Variants in PPP1R12C observed in about 807,000 individuals in gnomAD.
PPP1R12C encodes the protein protein phosphatase 1 regulatory subunit 12C.
PPP1R12C carries 48 observed loss-of-function variants against 95.6 expected under a neutral mutation model. The observed-to-expected ratio is 0.50, with a 90% CI of 0.40 to 0.64. PPP1R12C has a LOEUF of 0.64. Among genes scored for constraint, PPP1R12C ranks in the 30% least tolerant of loss-of-function variants. PPP1R12C has a pLI of 0.00. For missense variants in PPP1R12C, 1,057 were observed against 1,083.3 expected, an observed-to-expected ratio of 0.98 and a Z score of 0.34; for synonymous variants, 480 against 460.8, an observed-to-expected ratio of 1.04 and a Z score of -0.53.
rs1293460806 is a variant in PPP1R12C, at chr19:55,099,055, C to A, written c.772G>T (p.Gly258Trp). Residue 258 changes from glycine (G) to tryptophan (W), a missense_variant, in exon 5 of 22, where the codon GGG (glycine) becomes TGG (tryptophan). By Grantham distance (184) the Gly-to-Trp change is radical. This residue lies in a region of PPP1R12C where 282 missense variants were observed against 380.4 expected (regional missense o/e 0.74). Transcript: ENST00000263433. ...GCGTGCAGGGGAGTCCAGCCGTCCC[C>A]GTCCCGGAGCTCTGGGTCGTAGCCA... ...QAGYDPELRDGDGWTPLHAAA... is the reference protein window; with the variant it reads ...QAGYDPELRDWDGWTPLHAAA... The A allele has an allele frequency of 6.4e-7, 1 of 1,552,706 alleles. No homozygotes were observed. The highest frequency in any genetic ancestry group is 2.4e-5 in the East Asian group (1 of 41,494).
intron 1 of PPP1R12C, chr19:55,114,517 A>C (rs532756100): frequency 6.6e-6 from 1 of 152,604 alleles, no homozygotes; most frequent in East Asian, 1.9e-4. Context: ...GCCGGGAATC[A>C]AGAGTCACCC....
At position 55,117,429 on chromosome 19, in the gene PPP1R12C, G is replaced by C. The variant is rs930653942; in HGVS notation, c.115C>G (p.Pro39Ala). Residue 39 changes from proline to alanine, a missense_variant, in exon 1 of 22, where the codon CCC (proline) becomes GCC (alanine). Physicochemically the swap from Pro to Ala is conservative, Grantham distance 27 (BLOSUM62 -1). Around this residue, in one of 5 missense-constraint regions of PPP1R12C, gnomAD observed 70 missense variants for 47.8 expected, o/e 1.46. Coordinates refer to ENST00000263433, the MANE Select transcript of PPP1R12C (RefSeq NM_017607.4). ...WGARAGAEPG[P>A]GERRARTVRF... ...ACGGTGCGGGCGCGGCGCTCTCCGG[G>C]GCCAGGCTCGGCGCCCGCCCGCGCC... The C allele has an allele frequency of 1.0e-3, 1,037 of 1,000,682 alleles. No homozygotes were observed. The highest frequency in any genetic ancestry group is 2.1e-3 in the Admixed American group (34 of 16,474). The allele number at this position is 1,000,682 out of a possible 1,614,324, so 62.0% of individuals were successfully genotyped here.
At chr19:55,105,419 G>A (rs2085027622) in intron 3 of PPP1R12C, among the ~76,000 whole-genome samples, 2 of 152,206 alleles carry the variant, frequency 1.3e-5, no homozygotes, top group Admixed American at 6.5e-5. Flanking sequence ...TGTAGACAGA[G>A]CCCTTGCCCA....
rs771708445 is a variant in PPP1R12C, at chr19:55,112,674, T to A, written c.443A>T (p.Asp148Val). ...CCCTCCCTTGCCTCACCTGGCGATA[T>A]CTAGGTAGCCACAGGAGGCGGCCAC... Reference protein sequence around the residue: ...LHVAASCGYLDIARYLLSHGA... With the variant: ...LHVAASCGYLVIARYLLSHGA... Residue 148 changes from aspartate to valine, a missense_variant, in exon 2 of 22, where the codon GAT becomes GTT. Transcript: ENST00000263433. 39 of 1,613,594 alleles carry A rather than the reference T, an allele frequency of 2.4e-5. No individual in the cohort carries two copies. Among genetic ancestry groups the A allele is most frequent in the Non-Finnish European group, 3.3e-5 (39 of 1,179,924 alleles).
rs775914924 is a variant in PPP1R12C at position 55,092,778 on chromosome 19, C to G, written c.1911+5G>C. The G allele has an allele frequency of 1.0e-5, 16 of 1,552,724 alleles. No homozygotes were observed. The Admixed American group carries it at 2.9e-4, about 28-fold the overall frequency. On this transcript the variant is annotated splice_donor_5th_base_variant and intron_variant, in intron 16 of 21. Coordinates refer to ENST00000263433, the MANE Select transcript of PPP1R12C (RefSeq NM_017607.4). Reference sequence around the variant, plus strand: ...CACCAGCTCGGCCCCACCTGAGCCCCTCACCTCCGCAGGCCCCCTCCACTC... The same window carrying G: ...CACCAGCTCGGCCCCACCTGAGCCCGTCACCTCCGCAGGCCCCCTCCACTC...
At chr19:55,099,533 C>T (rs1458254433) in intron 4 of PPP1R12C, among the ~76,000 whole-genome samples, 2 of 152,220 alleles carry the variant, frequency 1.3e-5, no homozygotes, top group African/African-American at 2.4e-5. Context: ...AAAGCAGTGA[C>T]TCCCAACCAG....
intron 3 of PPP1R12C, among the ~76,000 whole-genome samples, chr19:55,106,921 GC>G (rs1388789606): frequency 6.6e-6 from 1 of 152,204 alleles, no homozygotes; most frequent in Non-Finnish European, 1.5e-5. Context: ...GGCAAGAGGT[GC>G]TGTGTTTTGG....
Position 55,096,097 on chromosome 19 carries a change from C to A in PPP1R12C, c.1107G>T (p.Gly369=). Residue 369 remains glycine (G), a synonymous_variant, in exon 8 of 22, where the codon GGG becomes GGT. Coordinates refer to ENST00000263433, the MANE Select transcript of PPP1R12C (RefSeq NM_017607.4). ...LSKERRPGGA[G]GPPIQDEDEG... ...CATCCTCGTCCTGGATGGGGGGCCC[C>A]CCAGCCCCACCAGGCCGGCGCTCCT... 6.2e-7 allele frequency: 1 copy of A among 1,601,016 alleles called. No individual in the cohort carries two copies. Among genetic ancestry groups the A allele is most frequent in the Non-Finnish European group, 8.5e-7 (1 of 1,175,118 alleles).
intron 4 of PPP1R12C, among the ~76,000 whole-genome samples, chr19:55,101,882 G>T (rs1023723272): frequency 6.6e-5 from 10 of 152,070 alleles, no homozygotes; most frequent in African/African-American, 2.4e-4. Context: ...AAGGGACAGC[G>T]GCCTGGAGCT....
intron 4 of PPP1R12C, among the ~76,000 whole-genome samples, chr19:55,101,920 C>T (rs1412216323): frequency 6.6e-6 from 1 of 152,020 alleles, no homozygotes; most frequent in Non-Finnish European, 1.5e-5. Context: ...GAAGGGACAG[C>T]GGCCTGGAGC....
chr19:55,091,923 A>C lies in PPP1R12C; in HGVS notation c.2161-14T>G. 6.2e-7 allele frequency: 1 copy of C among 1,612,968 alleles called. No individual in the cohort carries two copies. The highest frequency in any genetic ancestry group is 8.5e-7 in the Non-Finnish European group (1 of 1,179,896). On this transcript the variant is annotated splice_polypyrimidine_tract_variant and intron_variant, in intron 19 of 21. Coordinates refer to ENST00000263433, the MANE Select transcript of PPP1R12C (RefSeq NM_017607.4). Reference sequence around the variant, plus strand: ...GCGTTCTTGCCTCTGGTGAGGACACAGAAAGCACAGGGGTCAGCAGAAGAA... The same window carrying C: ...GCGTTCTTGCCTCTGGTGAGGACACCGAAAGCACAGGGGTCAGCAGAAGAA...
At chr19:55,091,596 G>T (rs756449579) in intron 21 of PPP1R12C, 38 bp from the exon 22 acceptor site, 2 of 1,610,170 alleles carry the variant, frequency 1.2e-6, no homozygotes, top group South Asian at 2.2e-5. Flanking sequence ...AGCCCTGGCG[G>T]GTTGCACCCC....
intron 3 of PPP1R12C, among the ~76,000 whole-genome samples, chr19:55,106,249 A>G (rs2085037280): frequency 6.6e-6 from 1 of 152,198 alleles, no homozygotes; most frequent in Admixed American, 6.5e-5. Flanking sequence ...TGATTGATCC[A>G]TCCTCTTTGG....
chr19:55,093,073 G>T lies in PPP1R12C; in HGVS notation c.1768C>A (p.Pro590Thr), dbSNP rs113908581. 1 of 1,606,254 alleles carries T rather than the reference G, an allele frequency of 6.2e-7. No individual in the cohort carries two copies. Among genetic ancestry groups the T allele is most frequent in the South Asian group, 1.1e-5 (1 of 90,422 alleles). Residue 590 changes from proline to threonine, a missense_variant, in exon 15 of 22, where the codon CCT (proline) becomes ACT (threonine). By Grantham distance (38) the Pro-to-Thr change is conservative. This residue lies in a region of PPP1R12C where 347 missense variants were observed against 307.9 expected (regional missense o/e 1.13). Transcript: ENST00000263433. Reference protein sequence around the residue: ...ESEKPAQSLDPSRRPRVPGVE... With the variant: ...ESEKPAQSLDTSRRPRVPGVE... ...CCAGGGACGCGGGGCCTTCGGGAAG[G>T]GTCCTGTCGGGAGGGGGAGGCGAGT...
In PPP1R12C at chr19:55,096,289, T is replaced by G. The variant is rs2147184712; in HGVS notation, c.998A>C (p.Gln333Pro). Residue 333 changes from glutamine to proline, a missense_variant, in exon 7 of 22, where the codon CAA (glutamine) becomes CCA (proline). By Grantham distance (76) the Gln-to-Pro change is moderately conservative. Transcript: ENST00000263433. ...EASQSRGQEPQAPSSSKHRRS... is the reference protein window; with the variant it reads ...EASQSRGQEPPAPSSSKHRRS... ...TCTGTGTTTGCTGCTAGAGGGCGCT[T>G]GGGGCTCCTGGCCCCGGCTCTGGGA... The G allele has an allele frequency of 6.2e-7, 1 of 1,613,798 alleles. No individual in the cohort carries two copies. The highest frequency in any genetic ancestry group is 2.2e-5 in the East Asian group (1 of 44,856).
intron 3 of PPP1R12C, 109 bp from the exon 4 acceptor site, chr19:55,103,677 T>TC: frequency 1.0e-6 from 1 of 1,000,726 alleles, no homozygotes; most frequent in Non-Finnish European, 1.4e-6. Context: ...CCAGAGCTCT[T>TC]CCCCCTGCTC....
chr19:55,102,538 T>C (rs2084990116), intron 4 of PPP1R12C, among the ~76,000 whole-genome samples: 1 of 152,178 alleles, frequency 6.6e-6, no homozygotes, highest in Non-Finnish European at 1.5e-5. Flanking sequence ...AAACTATATA[T>C]GCACCAAATA....
chr19:55,111,857 C>A (rs994887012), intron 3 of PPP1R12C: 1 of 152,224 alleles, frequency 6.6e-6, no homozygotes, highest in Non-Finnish European at 1.5e-5. Flanking sequence ...CTGGAGTCAC[C>A]AGTCACAGGC....
chr19:55,091,408 G>A lies in PPP1R12C; in HGVS notation c.*64C>T, dbSNP rs1296412789. 5 of 1,478,678 alleles carry A rather than the reference G, an allele frequency of 3.4e-6. No individual in the cohort carries two copies. Among genetic ancestry groups the A allele is most frequent in the Admixed American group, 1.8e-5 (1 of 55,140 alleles). The allele number at this position is 1,478,678 out of a possible 1,614,324, so 91.6% of individuals were successfully genotyped here. ...GGAGCCCTGTCACTCGTGTTCACAC[G>A]GGGGAAGGGGTGCGTGTGGCAGAAG... On this transcript the variant is annotated 3_prime_UTR_variant, in exon 22 of 22. Coordinates refer to ENST00000263433, the MANE Select transcript of PPP1R12C (RefSeq NM_017607.4).
Sources: gnomAD v4.1 joint callset for allele counts (sites outside exome capture counted in the v4.1 genomes callset) on GRCh38, gnomAD v4.1.1 for gene constraint, gnomAD v4.1.1 regional missense constraint, MANE v1.5 for transcripts, NCBI Gene and HGNC (gene_info 2026-07-23, HGNC 2026-07-21) for gene names.